The following TTLL3 variants were observed in gnomAD, a reference collection of about 807,000 sequenced individuals.
The protein encoded by TTLL3 is tubulin tyrosine ligase like 3, also known as tubulin monoglycylase TTLL3.
In TTLL3, 63 loss-of-function variants were observed where a neutral mutation model predicts 75.2. The ratio of observed to expected loss-of-function variants is 0.84; its 90% CI spans 0.68 to 1.03. TTLL3 has a LOEUF of 1.03. TTLL3 is among the 50% of genes least tolerant of loss of function. The pLI is 0.00. For missense variants in TTLL3, 997 were observed against 1,069.9 expected (o/e 0.93, Z 0.95); for synonymous variants, 393 against 418.5 (o/e 0.94, Z 0.74).
In TTLL3 at chr3:9,835,171, C is replaced by T; in HGVS notation, c.2130C>T (p.Phe710=). 1.9e-6 allele frequency: 3 copies of T among 1,614,246 alleles called. No individual in the cohort carries two copies. Among genetic ancestry groups the T allele is most frequent in the Non-Finnish European group, 1.7e-6 (2 of 1,180,048 alleles). Residue 710 remains phenylalanine (F), a synonymous_variant, in exon 14 of 14, where the codon TTC becomes TTT. Transcript: ENST00000685419. ...CCLCPLKSEQ[F]LAPVGRSRPK... is the part of the protein sequence containing the mutation. ...TCTGCCCTTTGAAGTCGGAACAATT[C>T]CTAGCACCTGTCGGAAGGTCAAGGC...
chr3:9,828,943 T>A lies in TTLL3; in HGVS notation c.1248-17T>A. The A allele has an allele frequency of 6.2e-7, 1 of 1,613,134 alleles. No homozygotes were observed. Among genetic ancestry groups the A allele is most frequent in the Non-Finnish European group, 8.5e-7 (1 of 1,179,124 alleles). ...GACACAAGGGCCTGGACCTCAGTTT[T>A]CTGTTCTCTGCCCCAGCTCAGTGCA... On this transcript the variant is annotated splice_polypyrimidine_tract_variant and intron_variant, in intron 10 of 13. Coordinates refer to ENST00000685419, the MANE Select transcript of TTLL3 (RefSeq NM_001387446.1).
rs2079285100 is a variant in TTLL3, at chr3:9,810,845, A to G, written c.48+136A>G. ...GCAAAAATCCTCAACCACCACACCC[A>G]TCTTCAACTACCTCCCCGTTTACCC... On this transcript the variant is annotated intron_variant, in intron 2 of 13. Transcript: ENST00000685419. This position sits in a 1 kb window ranked among gnomAD's most constrained non-coding sequence, Gnocchi z 4.4. 2 of 783,922 alleles carry G rather than the reference A, an allele frequency of 2.6e-6. No homozygotes were observed. Among genetic ancestry groups the G allele is most frequent in the Non-Finnish European group, 2.0e-6 (1 of 505,098 alleles). 48.6% of individuals were successfully genotyped at this position (783,922 alleles called of 1,614,324 possible).
At chr3:9,828,640 T>C (rs1246060540) in intron 10 of TTLL3, 4 of 350,844 alleles carry the variant, frequency 1.1e-5, no homozygotes, top group Non-Finnish European at 2.1e-5. Context: ...GTCCTGGCGA[T>C]GACGGGGCCA....
intron 8 of TTLL3, among the ~76,000 whole-genome samples, chr3:9,824,094 C>T (rs1346165840): frequency 6.6e-6 from 1 of 152,156 alleles, no homozygotes; most frequent in Non-Finnish European, 1.5e-5. Flanking sequence ...CAGAGAACAA[C>T]TACAGAAAAT....
chr3:9,832,176 C>G (rs1314582971), intron 11 of TTLL3, among the ~76,000 whole-genome samples: 5 of 143,266 alleles, frequency 3.5e-5, no homozygotes, highest in Non-Finnish European at 6.0e-5. Context: ...ACTTCTGTCT[C>G]CTGGGTTCAA....
intron 10 of TTLL3, chr3:9,828,444 TTG>T (rs2124947297): frequency 6.3e-6 from 1 of 157,866 alleles, no homozygotes; most frequent in African/African-American, 2.4e-5. Context: ...GCTGAGCACT[TTG>T]TATACATGAT....
At position 9,834,861 on chromosome 3, in the gene TTLL3, C is replaced by T. The variant is rs139912577; in HGVS notation, c.2006C>T (p.Pro669Leu). ...GCTAAGGTCTTCATTTCCCTCCCACCGAACCTTGATTTCAAGGTGGCACCC... is the reference window on the plus strand; with the variant it reads ...GCTAAGGTCTTCATTTCCCTCCCACTGAACCTTGATTTCAAGGTGGCACCC... ...PTAKVFISLP[P>L]NLDFKVAPSI... The change falls in exon 13 of 14, where the codon CCG becomes CTG. Residue 669 changes from proline to leucine, a missense_variant. Coordinates refer to ENST00000685419, the MANE Select transcript of TTLL3 (RefSeq NM_001387446.1). 152 of 1,614,228 alleles carry T rather than the reference C, an allele frequency of 9.4e-5. No homozygotes were observed. In the East Asian group the frequency reaches 3.1e-3, roughly 32 times the overall value.
At chr3:9,829,471 A>G in intron 11 of TTLL3, 76 bp downstream of exon 11, 1 of 1,492,620 alleles carries the variant, frequency 6.7e-7, no homozygotes, top group Non-Finnish European at 8.9e-7. Context: ...GGAGCATAGG[A>G]CTCTGCAGTC....
At chr3:9,827,475 T>A in intron 10 of TTLL3, 1 of 620,076 alleles carries the variant, frequency 1.6e-6, no homozygotes, top group Non-Finnish European at 2.6e-6. Context: ...TGGTCACGGC[T>A]CACTGTAGCC....
At chr3:9,816,237 C>T (rs762419495) in intron 5 of TTLL3, 35 bp downstream of exon 5, 9 of 1,329,254 alleles carry the variant, frequency 6.8e-6, no homozygotes, top group Non-Finnish European at 8.0e-6. Flanking sequence ...GGGCAGCTTC[C>T]GACCCCCTGC....
At chr3:9,814,137 T>TA (rs1287129006) in intron 4 of TTLL3, among the ~76,000 whole-genome samples, 4 of 150,986 alleles carry the variant, frequency 2.6e-5, no homozygotes, top group African/African-American at 7.3e-5. Flanking sequence ...CCATCTCTAC[T>TA]AAAAAAACAA....
intron 11 of TTLL3, among the ~76,000 whole-genome samples, chr3:9,829,731 G>A (rs2124959589): frequency 6.6e-6 from 1 of 152,234 alleles, no homozygotes; most frequent in East Asian, 1.9e-4. Context: ...ATGTGACTTT[G>A]GACAAGTTCC....
rs762437662 is a variant in TTLL3, at chr3:9,835,352, C to T, written c.2311C>T (p.Pro771Ser). The T allele has an allele frequency of 8.7e-6, 14 of 1,614,050 alleles. No homozygotes were observed. In the East Asian group the frequency reaches 2.0e-4, roughly 23 times the overall value. The change falls in exon 14 of 14, where the codon CCC (proline) becomes TCC (serine). Residue 771 changes from proline to serine, a missense_variant. Transcript: ENST00000685419. ...MKLGKPLLRFPTALVLDPTPN... is the reference protein window; with the variant it reads ...MKLGKPLLRFSTALVLDPTPN... The stretch of plus-strand genomic sequence containing the variant: ...GCTAGGGAAGCCCCTGCTTCGATTC[C>T]CCACTGCCCTTGTCCTGGATCCAAC...
At chr3:9,816,850 T>C (rs950520584) in intron 5 of TTLL3, among the ~76,000 whole-genome samples, 2 of 152,114 alleles carry the variant, frequency 1.3e-5, no homozygotes, top group African/African-American at 4.8e-5. Context: ...AATTTCCTCA[T>C]CTTTCAATGA....
intron 11 of TTLL3, among the ~76,000 whole-genome samples, chr3:9,831,796 ATTTT>A (rs35972221): frequency 4.0e-5 from 5 of 123,592 alleles, no homozygotes; most frequent in Non-Finnish European, 3.3e-5. Flanking sequence ...TTTTTATTTG[ATTTT>A]TTTTTTTTTT....
rs189614529 is a variant in TTLL3, at chr3:9,818,658, G to A, written c.560-164G>A. On this transcript the variant is annotated intron_variant, in intron 6 of 13. Coordinates refer to ENST00000685419, the MANE Select transcript of TTLL3 (RefSeq NM_001387446.1). Reference sequence around the variant, plus strand: ...GCTGGGATTACAGGCGTCAGCCACCGTGACCAGCCTGAAACAGGAGCAAGT... The same window carrying A: ...GCTGGGATTACAGGCGTCAGCCACCATGACCAGCCTGAAACAGGAGCAAGT... The A allele has an allele frequency of 6.7e-5, 99 of 1,479,566 alleles. No homozygotes were observed. In the East Asian group the frequency reaches 6.8e-4, roughly 10 times the overall value. The allele number at this position is 1,479,566 out of a possible 1,614,324, so 91.7% of individuals were successfully genotyped here.
intron 2 of TTLL3, among the ~76,000 whole-genome samples, chr3:9,812,430 G>A (rs1177021217): frequency 6.6e-6 from 1 of 152,044 alleles, no homozygotes; most frequent in African/African-American, 2.4e-5. Flanking sequence ...CAGGAGAATC[G>A]CTCGAACCCG....
chr3:9,820,801 C>CT (rs1383431330), intron 8 of TTLL3, 60 bp downstream of exon 8: 2 of 1,588,922 alleles, frequency 1.3e-6, no homozygotes, highest in Non-Finnish European at 1.7e-6. Context: ...TAGACCCTTT[C>CT]TGTCTCGTGC....
In TTLL3 at chr3:9,829,316, C is replaced by G; in HGVS notation, c.1604C>G (p.Ala535Gly). The change falls in exon 11 of 14, where the codon GCT (alanine) becomes GGT (glycine). Residue 535 changes from alanine to glycine, a missense_variant. Coordinates refer to ENST00000685419, the MANE Select transcript of TTLL3 (RefSeq NM_001387446.1). ...VTARLCAGVQ[A>G]DTLRVVIDRM... is the part of the protein sequence containing the mutation. The stretch of plus-strand genomic sequence containing the variant: ...GCCCGGCTCTGTGCTGGCGTGCAAG[C>G]TGACACCCTGCGCGTGGTCATTGAC... 1 of 1,613,726 alleles carries G rather than the reference C, an allele frequency of 6.2e-7. No individual in the cohort carries two copies.
Sources: allele counts gnomAD v4.1 joint callset (sites outside exome capture counted in the v4.1 genomes callset), GRCh38; gene constraint gnomAD v4.1.1; non-coding constraint Gnocchi (gnomAD v3.1); transcripts MANE v1.5; gene names NCBI Gene and HGNC (gene_info 2026-07-23, HGNC 2026-07-21).